The following SMIM18 variants were observed in gnomAD, a reference collection of about 807,000 sequenced individuals.
The protein encoded by SMIM18 is small integral membrane protein 18.
SMIM18 carries 4 observed loss-of-function variants against 5.9 expected under a neutral mutation model. The ratio of observed to expected loss-of-function variants is 0.68; its 90% CI spans 0.33 to 1.56. The LOEUF (loss-of-function observed/expected upper bound fraction) is 1.56. Among genes scored for constraint, SMIM18 ranks in the 40% most tolerant of loss-of-function variants. SMIM18 has a pLI of 0.06. For missense variants in SMIM18, 89 were observed against 109.7 expected (o/e 0.81, Z 0.84); for synonymous variants, 37 against 37.4 (o/e 0.99, Z 0.04).
intron 1 of SMIM18, among the ~76,000 whole-genome samples, chr8:30,642,796 A>T (rs1297214434): frequency 2.0e-5 from 3 of 152,244 alleles, no homozygotes; most frequent in African/African-American, 7.2e-5. Flanking sequence ...ATTTAACCAG[A>T]AGAATAGCTC....
intron 1 of SMIM18, among the ~76,000 whole-genome samples, chr8:30,640,729 G>A (rs1166524712): frequency 6.6e-6 from 1 of 152,154 alleles, no homozygotes; most frequent in Non-Finnish European, 1.5e-5. Context: ...CGGGGGGACG[G>A]AGTCTCACTC....
chr8:30,640,413 A>AAAATGGGAGTAAACATATC (rs1206110700), intron 1 of SMIM18, among the ~76,000 whole-genome samples: 4 of 152,094 alleles, frequency 2.6e-5, no homozygotes, highest in Non-Finnish European at 5.9e-5. Flanking sequence ...TAAACATATC[A>AAAATGGGAGTAAACATATC]AAATGGGAGT....
At chr8:30,639,711 C>A (rs1030491111) in intron 1 of SMIM18, among the ~76,000 whole-genome samples, 1 of 151,982 alleles carries the variant, frequency 6.6e-6, no homozygotes, top group East Asian at 1.9e-4. Context: ...ACCTAAAGAG[C>A]CAGCTTCTGT....
rs1802053813 is a variant in SMIM18, at chr8:30,645,791, C to T, written c.*194C>T. The T allele has an allele frequency of 1.8e-6, 1 of 557,792 alleles. No homozygotes were observed. Among genetic ancestry groups the T allele is most frequent in the South Asian group, 2.7e-5 (1 of 36,588 alleles). The allele number at this position is 557,792 out of a possible 1,614,324, so 34.6% of individuals were successfully genotyped here. ...CCATTTCATTAAATATACAGTAAAA[C>T]TTCATGAATGTGAATTTACTAATCT... On this transcript the variant is annotated 3_prime_UTR_variant, in exon 3 of 3. Transcript: ENST00000517349.
intron 1 of SMIM18, among the ~76,000 whole-genome samples, chr8:30,639,255 A>T (rs1429294101): frequency 6.6e-6 from 1 of 152,212 alleles, no homozygotes; most frequent in African/African-American, 2.4e-5. Flanking sequence ...GCATTATACT[A>T]CACTGAACAG....
At chr8:30,644,947 G>A (rs1356789874) in intron 2 of SMIM18, among the ~76,000 whole-genome samples, 1 of 151,594 alleles carries the variant, frequency 6.6e-6, no homozygotes. Context: ...GACGGGTTTC[G>A]CCATGTTGAC....
chr8:30,642,820 A>T (rs556911881), intron 1 of SMIM18, among the ~76,000 whole-genome samples: 2 of 152,264 alleles, frequency 1.3e-5, no homozygotes, highest in African/African-American at 2.4e-5. Context: ...AATGGATACA[A>T]GTTAAACCTC....
At chr8:30,644,929 T>G (rs1281884210) in intron 2 of SMIM18, among the ~76,000 whole-genome samples, 3 of 152,062 alleles carry the variant, frequency 2.0e-5, no homozygotes, top group African/African-American at 7.2e-5. Context: ...TTTTGTATGT[T>G]TTGTAGAGAC....
chr8:30,640,698 T>C (rs1801785167), intron 1 of SMIM18, among the ~76,000 whole-genome samples: 2 of 152,166 alleles, frequency 1.3e-5, no homozygotes, highest in Admixed American at 6.5e-5. Context: ...AAAATCCTAA[T>C]GATGTATTTC....
At chr8:30,639,268 A>T (rs1801725116) in intron 1 of SMIM18, among the ~76,000 whole-genome samples, 2 of 152,180 alleles carry the variant, frequency 1.3e-5, no homozygotes, top group African/African-American at 4.8e-5. Context: ...CTGAACAGAT[A>T]ATTTATACAG....
chr8:30,645,134 T>C (rs1048097115), intron 2 of SMIM18, 147 bp from the exon 3 acceptor site: 9 of 689,436 alleles, frequency 1.3e-5, no homozygotes, highest in Non-Finnish European at 2.1e-5. Context: ...GGCCCAGATA[T>C]ACAAAAAAAT....
At chr8:30,640,411 T>A (rs1273403140) in intron 1 of SMIM18, among the ~76,000 whole-genome samples, 3 of 151,822 alleles carry the variant, frequency 2.0e-5, no homozygotes, top group Admixed American at 2.0e-4. Context: ...AGTAAACATA[T>A]CAAAATGGGA....
chr8:30,641,626 A>G (rs538584887), intron 1 of SMIM18, among the ~76,000 whole-genome samples: 1 of 152,302 alleles, frequency 6.6e-6, no homozygotes, highest in South Asian at 2.1e-4. Flanking sequence ...CCGTAATCCC[A>G]GCACTTTTGG....
At position 30,641,412 on chromosome 8, in the gene SMIM18, G is replaced by C. The variant is rs967762534; in HGVS notation, c.-111+2773G>C. Among the ~76,000 whole-genome samples the C allele has an allele frequency of 2.0e-4, 30 of 152,302 alleles. 2 individuals are homozygous for C. The highest frequency in any genetic ancestry group is 1.7e-3 in the Admixed American group (26 of 15,298). On this transcript the variant is annotated intron_variant, in intron 1 of 2. Transcript: ENST00000517349. ...GGGTCTCACTCTATCACCCAGGCGG[G>C]AGTGCAATGGAGAAATCACAGCTCA...
At chr8:30,640,596 C>A (rs1395094610) in intron 1 of SMIM18, among the ~76,000 whole-genome samples, 1 of 152,182 alleles carries the variant, frequency 6.6e-6, no homozygotes, top group Non-Finnish European at 1.5e-5. Flanking sequence ...TTTATATACA[C>A]CATTTTCTCT....
intron 2 of SMIM18, 118 bp from the exon 3 acceptor site, chr8:30,645,163 C>A: frequency 3.4e-6 from 3 of 870,474 alleles, no homozygotes; most frequent in African/African-American, 1.7e-5. Context: ...ACCATTTAGG[C>A]ATTAATTAAG....
Position 30,645,550 on chromosome 8 carries a change from A to T in SMIM18, c.241A>T (p.Arg81Ter), listed in dbSNP as rs1189362519. The T allele has an allele frequency of 1.0e-5, 16 of 1,535,584 alleles. No homozygotes were observed. The highest frequency in any genetic ancestry group is 1.4e-5 in the Non-Finnish European group (16 of 1,146,910). The stretch of plus-strand genomic sequence containing the variant: ...CTTGAAAAGTGAACCCAACCCTCTT[A>T]GAAGTATGATGGACAACATCAGAAA... ...KDLKSEPNPL[R>*]SMMDNIRKRE... is the part of the protein sequence containing the mutation. Residue 81 changes from arginine (R) to a stop codon, truncating the protein, a stop_gained, in exon 3 of 3, where the codon AGA (arginine) becomes TGA (stop). Transcript: ENST00000517349. LOFTEE classifies it high-confidence loss of function.
intron 1 of SMIM18, among the ~76,000 whole-genome samples, chr8:30,640,380 G>T (rs1801771093): frequency 6.6e-6 from 1 of 151,976 alleles, no homozygotes; most frequent in Admixed American, 6.6e-5. Context: ...GGGGCCTTTG[G>T]GAGTAAACAT....
intron 1 of SMIM18, among the ~76,000 whole-genome samples, chr8:30,639,149 T>C (rs1801718247): frequency 6.6e-6 from 1 of 152,198 alleles, no homozygotes; most frequent in South Asian, 2.1e-4. Flanking sequence ...AAAATTATTT[T>C]TATTTTGCTT....
Sources: gnomAD v4.1 joint callset for allele counts (sites outside exome capture counted in the v4.1 genomes callset) on GRCh38, gnomAD v4.1.1 for gene constraint, MANE v1.5 for transcripts, NCBI Gene and HGNC (gene_info 2026-07-23, HGNC 2026-07-21) for gene names.